Variants in RAB3IL1 observed in about 807,000 individuals in gnomAD.
The protein encoded by RAB3IL1 is RAB3A interacting protein like 1.
A neutral mutation model predicts 49.2 loss-of-function variants in RAB3IL1; 37 were observed. The ratio of observed to expected loss-of-function variants is 0.75; its 90% CI spans 0.58 to 0.99. RAB3IL1 has a LOEUF of 0.99. Among genes scored for constraint, RAB3IL1 ranks in the 50% least tolerant of loss-of-function variants. The pLI, the probability that RAB3IL1 is intolerant of heterozygous loss-of-function variation, is 0.00. For synonymous variants in RAB3IL1, 193 were observed against 213.9 expected, an observed-to-expected ratio of 0.90 and a Z score of 0.85; for missense variants, 484 against 513.0, an observed-to-expected ratio of 0.94 and a Z score of 0.55.
chr11:61,923,988 C>T (rs1158371162), upstream of RAB3IL1, among the ~76,000 whole-genome samples: 3 of 152,134 alleles, frequency 2.0e-5, no homozygotes, highest in East Asian at 3.9e-4. Flanking sequence ...CGTGTGGAGG[C>T]GGCCGAATGG....
chr11:61,898,337 T>C lies in RAB3IL1; in HGVS notation c.1090A>G (p.Met364Val), dbSNP rs1198331789. 6 of 1,613,578 alleles carry C rather than the reference T, an allele frequency of 3.7e-6. No individual in the cohort carries two copies. The highest frequency in any genetic ancestry group is 1.3e-5 in the African/African-American group (1 of 75,052). ...AGTGACATCTCCTTCCGCAACCTCA[T>C]GATCTCCCAGAACATGGGCTCTGCT... ...QDAEPMFWEI[M>V]RLRKEMSLAK... Residue 364 changes from methionine to valine, a missense_variant, in exon 10 of 10, where the codon ATG (methionine) becomes GTG (valine). By Grantham distance (21) the Met-to-Val change is conservative. Coordinates refer to ENST00000394836, the MANE Select transcript of RAB3IL1 (RefSeq NM_013401.4). The surrounding 1 kb of genome is among the most constrained non-coding windows in gnomAD (Gnocchi z 5.1).
the RAB3IL1 span, among the ~76,000 whole-genome samples, chr11:61,939,559 G>C: frequency 6.8e-6 from 1 of 147,678 alleles, no homozygotes; most frequent in East Asian, 2.0e-4. Context: ...AAAAACAACA[G>C]AAAGAATCAA....
intron 8 of RAB3IL1, 195 bp from the exon 9 acceptor site, chr11:61,899,575 A>G (rs1241107267): frequency 3.4e-6 from 2 of 583,186 alleles, no homozygotes; most frequent in East Asian, 2.8e-5. Context: ...CAGCAGCAGC[A>G]GCAGCAGCCA....
Position 61,898,367 on chromosome 11 carries a change from G to T in RAB3IL1, c.1067-7C>A. Reference sequence around the variant, plus strand: ...TCCCAGAACATGGGCTCTGCTGCAGGCAGAGAGAGGGTGAACAGGTCGGGG... The same window carrying T: ...TCCCAGAACATGGGCTCTGCTGCAGTCAGAGAGAGGGTGAACAGGTCGGGG... On this transcript the variant is annotated splice_polypyrimidine_tract_variant and splice_region_variant and intron_variant, in intron 9 of 9. Coordinates refer to ENST00000394836, the MANE Select transcript of RAB3IL1 (RefSeq NM_013401.4). The surrounding 1 kb of genome is among the most constrained non-coding windows in gnomAD (Gnocchi z 5.1). The T allele has an allele frequency of 6.2e-7, 1 of 1,612,940 alleles. No individual in the cohort carries two copies. Among genetic ancestry groups the T allele is most frequent in the Non-Finnish European group, 8.5e-7 (1 of 1,179,714 alleles).
upstream of RAB3IL1, among the ~76,000 whole-genome samples, chr11:61,921,385 A>G (rs1289452612): frequency 6.6e-6 from 1 of 152,104 alleles, no homozygotes. Flanking sequence ...CACCCTCCAA[A>G]GCACACCAGG....
chr11:61,924,989 A>T (rs1285268147), upstream of RAB3IL1, among the ~76,000 whole-genome samples: 2 of 152,046 alleles, frequency 1.3e-5, no homozygotes, highest in African/African-American at 4.8e-5. Context: ...GGAGGGTGTG[A>T]CCCCCAGAGA....
At chr11:61,926,260 C>CATT in the RAB3IL1 span, among the ~76,000 whole-genome samples, 4 of 152,260 alleles carry the variant, frequency 2.6e-5, no homozygotes, top group African/African-American at 9.6e-5. Context: ...GGTGTTCACT[C>CATT]ATTCATCAGA....
chr11:61,913,235 T>C (rs897751173), intron 1 of RAB3IL1, among the ~76,000 whole-genome samples: 1 of 151,700 alleles, frequency 6.6e-6, no homozygotes, highest in Non-Finnish European at 1.5e-5. Context: ...AGCCGAAGAG[T>C]GTCTGGGACC....
At position 61,917,389 on chromosome 11, in the gene RAB3IL1, GGCGTCCGTTCCCAGCGCCGCC is replaced by G. The variant is rs1939744736; in HGVS notation, c.-43_-23del. 5.6e-6 allele frequency: 7 copies of G among 1,240,464 alleles called. No homozygotes were observed. Among genetic ancestry groups the G allele is most frequent in the Non-Finnish European group, 7.0e-6 (7 of 994,022 alleles). 76.8% of individuals were successfully genotyped at this position (1,240,464 alleles called of 1,614,324 possible). On this transcript the variant is annotated 5_prime_UTR_variant, in exon 1 of 10. Transcript: ENST00000394836. ...ACATCCCGGCGCCTCGGGGCGCCCA[GGCGTCCGTTCCCAGCGCCGCC>G]GCGTCCTCCCAGCGCCGCGTCCCCG...
the RAB3IL1 span, among the ~76,000 whole-genome samples, chr11:61,928,911 C>T: frequency 6.6e-6 from 1 of 152,194 alleles, no homozygotes; most frequent in East Asian, 1.9e-4. Flanking sequence ...TGCTACAGAA[C>T]TCCAGGTAGT....
the RAB3IL1 span, among the ~76,000 whole-genome samples, chr11:61,939,317 T>G: frequency 6.6e-6 from 1 of 151,956 alleles, no homozygotes; most frequent in African/African-American, 2.4e-5. Flanking sequence ...AGAAATTAGA[T>G]GAGATGAATG....
At chr11:61,921,191 A>G (rs962733420), upstream of RAB3IL1, among the ~76,000 whole-genome samples, 5 of 151,688 alleles carry the variant, frequency 3.3e-5, no homozygotes, top group African/African-American at 1.2e-4. Context: ...TATTTTTTGG[A>G]GAGATGGGGT....
At chr11:61,936,985 T>C in the RAB3IL1 span, among the ~76,000 whole-genome samples, 1 of 152,150 alleles carries the variant, frequency 6.6e-6, no homozygotes, top group African/African-American at 2.4e-5. Context: ...GGACACTAGA[T>C]AGTAACTCAA....
chr11:61,934,450 G>GTATATATATATA, the RAB3IL1 span, among the ~76,000 whole-genome samples: 16 of 31,566 alleles, frequency 5.1e-4, no homozygotes, highest in East Asian at 0.01. Flanking sequence ...GTGTGTGTAT[G>GTATATATATATA]TATATATATA....
intron 1 of RAB3IL1, among the ~76,000 whole-genome samples, chr11:61,914,282 G>A (rs1186958287): frequency 6.6e-6 from 1 of 152,234 alleles, no homozygotes; most frequent in Non-Finnish European, 1.5e-5. Flanking sequence ...ACCCCTGGGA[G>A]GTTGGAGTGG....
At chr11:61,922,968 C>A (rs1305375485), upstream of RAB3IL1, among the ~76,000 whole-genome samples, 7 of 152,216 alleles carry the variant, frequency 4.6e-5, no homozygotes, top group African/African-American at 1.7e-4. Context: ...GTGGGGGTCT[C>A]CCCATCACCC....
At chr11:61,907,510 A>T (rs1375649256) in intron 3 of RAB3IL1, 40 bp from the exon 4 acceptor site, 20 of 1,613,910 alleles carry the variant, frequency 1.2e-5, no homozygotes, top group Non-Finnish European at 1.5e-5. Flanking sequence ...GTGAGGAGCC[A>T]ACGGACGCCC....
the RAB3IL1 span, among the ~76,000 whole-genome samples, chr11:61,937,047 T>C: frequency 6.6e-6 from 1 of 152,170 alleles, no homozygotes; most frequent in Non-Finnish European, 1.5e-5. Context: ...TAGGTAAATA[T>C]ACATAGATAA....
At chr11:61,921,533 T>C (rs145379185), upstream of RAB3IL1, among the ~76,000 whole-genome samples, 94 of 152,310 alleles carry the variant, frequency 6.2e-4, no homozygotes, top group South Asian at 6.2e-3. Flanking sequence ...AGCCCTCCCC[T>C]GTGGGTTACT....
Sources: gnomAD v4.1 joint callset for allele counts (sites outside exome capture counted in the v4.1 genomes callset) on GRCh38, gnomAD v4.1.1 for gene constraint, Gnocchi (gnomAD v3.1) non-coding constraint, MANE v1.5 for transcripts, NCBI Gene and HGNC (gene_info 2026-07-23, HGNC 2026-07-21) for gene names.